ZNRF1: variants seen among roughly 807,000 people sequenced by gnomAD.
ZNRF1 encodes E3 ubiquitin-protein ligase ZNRF1.
ZNRF1 carries 3 observed loss-of-function variants against 18.4 expected under a neutral mutation model. The ratio of observed to expected loss-of-function variants is 0.16; its 90% confidence interval spans 0.07 to 0.42. The LOEUF (loss-of-function observed/expected upper bound fraction) is 0.42. Ranked by LOEUF, ZNRF1 falls within the 10% of genes least tolerant of loss-of-function variation. The pLI, the probability that ZNRF1 is intolerant of heterozygous loss-of-function variation, is 0.99. For synonymous variants in ZNRF1, 157 were observed against 144.2 expected, an observed-to-expected ratio of 1.09 and a Z score of -0.64; for missense variants, 310 against 329.8, an observed-to-expected ratio of 0.94 and a Z score of 0.47.
chr16:75,064,754 C>T (rs2035782158), intron 1 of ZNRF1, among the ~76,000 whole-genome samples: 1 of 152,216 alleles, frequency 6.6e-6, no homozygotes, highest in Non-Finnish European at 1.5e-5. Flanking sequence ...CTCAGAGCTG[C>T]TTTGGAGAAT....
At chr16:75,059,229 C>CTTTTTTTTT (rs35291578) in intron 1 of ZNRF1, among the ~76,000 whole-genome samples, 125 of 92,916 alleles carry the variant, frequency 1.3e-3, no homozygotes, top group African/African-American at 2.0e-3. Flanking sequence ...TTCTTTCTTT[C>CTTTTTTTTT]TTTTTTTTTT....
intron 1 of ZNRF1, among the ~76,000 whole-genome samples, chr16:75,086,947 G>C (rs369732179): frequency 6.6e-6 from 1 of 152,120 alleles, no homozygotes; most frequent in Admixed American, 6.5e-5. Flanking sequence ...GCATGGGGAG[G>C]GGGGCAGAAG....
At position 75,110,666 on chromosome 16, in the gene ZNRF1, T is replaced by C. The variant is rs1406474176; in HGVS notation, c.*2966T>C. On this transcript the variant is annotated 3_prime_UTR_variant, in exon 5 of 5. Transcript: ENST00000335325. ...ACAGTGTACTTGTTCTTTCAACTTT[T>C]CTGTATGTTTGGAATTTTTCTTAAT... The C allele has an allele frequency of 6.6e-6, 1 of 152,254 alleles. No homozygotes were observed. Among genetic ancestry groups the C allele is most frequent in the African/African-American group, 2.4e-5 (1 of 41,468 alleles). 9.4% of individuals were successfully genotyped at this position (152,254 alleles called of 1,614,324 possible).
intron 1 of ZNRF1, among the ~76,000 whole-genome samples, chr16:75,043,539 T>TA (rs2035475601): frequency 6.6e-6 from 1 of 152,162 alleles, no homozygotes; most frequent in Admixed American, 6.6e-5. Context: ...AGCTAATACT[T>TA]ACAGAACATT....
At chr16:75,085,402 G>A (rs1489535459) in intron 1 of ZNRF1, among the ~76,000 whole-genome samples, 1 of 152,038 alleles carries the variant, frequency 6.6e-6, no homozygotes, top group East Asian at 1.9e-4. Context: ...TTTATTCCAC[G>A]GATGTACCAC....
At position 75,108,467 on chromosome 16, in the gene ZNRF1, C is replaced by G; in HGVS notation, c.*767C>G. ...GATTTTTTTTTTCAGAAAACTTAAA[C>G]AAAAAAAGACTTACTAAGAAATATG... On this transcript the variant is annotated 3_prime_UTR_variant, in exon 5 of 5. Coordinates refer to ENST00000335325, the MANE Select transcript of ZNRF1 (RefSeq NM_032268.5). 2.5e-6 allele frequency: 1 copy of G among 394,812 alleles called. No homozygotes were observed. 24.5% of individuals were successfully genotyped at this position (394,812 alleles called of 1,614,324 possible).
At chr16:75,076,190 AT>A (rs1289449954) in intron 1 of ZNRF1, among the ~76,000 whole-genome samples, 1 of 152,192 alleles carries the variant, frequency 6.6e-6, no homozygotes, top group Non-Finnish European at 1.5e-5. Context: ...TGACATATCT[AT>A]TATATGTTTT....
chr16:75,098,430 A>C (rs1401973001), intron 2 of ZNRF1, among the ~76,000 whole-genome samples: 5 of 152,030 alleles, frequency 3.3e-5, no homozygotes, highest in African/African-American at 1.2e-4. Flanking sequence ...ATTGCATTGC[A>C]CTTCAAAGGG....
chr16:75,028,239 A>G (rs2035252049), intron 1 of ZNRF1, among the ~76,000 whole-genome samples: 1 of 152,232 alleles, frequency 6.6e-6, no homozygotes, highest in Non-Finnish European at 1.5e-5. Flanking sequence ...ATAACAAATT[A>G]ACTTATCATG....
At chr16:75,074,103 C>T (rs967850269) in intron 1 of ZNRF1, among the ~76,000 whole-genome samples, 1 of 152,210 alleles carries the variant, frequency 6.6e-6, no homozygotes, top group South Asian at 2.1e-4. Context: ...GATTGAAACT[C>T]GTGCTGCTCC....
chr16:75,092,762 AG>A (rs2036154637), intron 1 of ZNRF1, among the ~76,000 whole-genome samples: 1 of 152,196 alleles, frequency 6.6e-6, no homozygotes, highest in Non-Finnish European at 1.5e-5. Context: ...AAGGAGGCAG[AG>A]GGGGCTGTGG....
intron 1 of ZNRF1, among the ~76,000 whole-genome samples, chr16:75,047,900 C>T (rs986772549): frequency 4.0e-5 from 6 of 151,744 alleles, no homozygotes; most frequent in Admixed American, 2.0e-4. Context: ...TGGTCTTCTC[C>T]GCTTCTCCGT....
chr16:75,002,145 G>T (rs1009101366), intron 1 of ZNRF1, among the ~76,000 whole-genome samples: 6 of 152,184 alleles, frequency 3.9e-5, no homozygotes, highest in African/African-American at 1.2e-4. Flanking sequence ...TGCCCTCTGG[G>T]GTGTGGGTGG....
chr16:75,034,923 A>C (rs921858780), intron 1 of ZNRF1, among the ~76,000 whole-genome samples: 2 of 151,848 alleles, frequency 1.3e-5, no homozygotes, highest in African/African-American at 2.4e-5. Context: ...CACTGCGTCC[A>C]GTTGGCTTTC....
intron 2 of ZNRF1, among the ~76,000 whole-genome samples, chr16:75,098,426 T>C (rs13337092): frequency 0.024 from 3,639 of 152,286 alleles, 127 homozygotes; most frequent in African/African-American, 0.078. Context: ...AACAATTGCA[T>C]TGCACTTCAA....
At chr16:75,100,253 A>T (rs887433473) in intron 2 of ZNRF1, among the ~76,000 whole-genome samples, 23 of 152,168 alleles carry the variant, frequency 1.5e-4, no homozygotes, top group Non-Finnish European at 7.4e-5. Flanking sequence ...AAGGCACAAC[A>T]CTGCACTGTG....
In ZNRF1 at chr16:75,029,744, G is replaced by C. The variant is rs1207762426; in HGVS notation, c.424+29649G>C. Among the ~76,000 whole-genome samples the C allele has an allele frequency of 2.0e-5, 3 of 151,390 alleles. No homozygotes were observed. In the East Asian group the frequency reaches 5.9e-4, roughly 30 times the overall value. ...AGATCATGCCACTGCACTCTAGCCT[G>C]GGTAACAGAGCGAGACTCCATCTCA... On this transcript the variant is annotated intron_variant, in intron 1 of 4. Coordinates refer to ENST00000335325, the MANE Select transcript of ZNRF1 (RefSeq NM_032268.5).
intron 1 of ZNRF1, among the ~76,000 whole-genome samples, chr16:75,070,203 A>C (rs1243888358): frequency 4.6e-5 from 7 of 152,188 alleles, no homozygotes; most frequent in African/African-American, 1.7e-4. Context: ...CAGCCAGCCC[A>C]CTGGCCCCAG....
chr16:75,002,428 G>A (rs1035025654), intron 1 of ZNRF1: 1 of 152,188 alleles, frequency 6.6e-6, no homozygotes, highest in African/African-American at 2.4e-5. Flanking sequence ...AACGATTTTG[G>A]TGCACAATTA....
Sources: gnomAD v4.1 joint callset for allele counts (sites outside exome capture counted in the v4.1 genomes callset) on GRCh38, gnomAD v4.1.1 for gene constraint, MANE v1.5 for transcripts, NCBI Gene and HGNC (gene_info 2026-07-23, HGNC 2026-07-21) for gene names.